The following RAB33B variants were observed in gnomAD, a reference collection of about 807,000 sequenced individuals.
RAB33B encodes the protein RAB33B, member RAS oncogene family, also known as ras-related protein Rab-33B.
In RAB33B, 6 loss-of-function variants were observed where a neutral mutation model predicts 15.0. That is an observed-to-expected ratio of 0.40 (90% CI 0.22 to 0.79). The LOEUF is 0.79. Among genes scored for constraint, RAB33B ranks in the 30% least tolerant of loss-of-function variants. RAB33B has a pLI of 0.37. For synonymous variants in RAB33B, 117 were observed against 108.3 expected (o/e 1.08, Z -0.50); for missense variants, 257 against 296.4 (o/e 0.87, Z 0.98).
At chr4:139,443,779 A>G in the RAB33B span, among the ~76,000 whole-genome samples, 1 of 152,164 alleles carries the variant, frequency 6.6e-6, no homozygotes, top group African/African-American at 2.4e-5. Flanking sequence ...CCGGGTAGCA[A>G]GTAGCGGCAA....
intron 1 of RAB33B, among the ~76,000 whole-genome samples, chr4:139,458,812 T>C (rs1330798313): frequency 6.6e-6 from 1 of 152,222 alleles, no homozygotes; most frequent in Non-Finnish European, 1.5e-5. Flanking sequence ...AATTCTGTTT[T>C]TAGCTCTTTG....
At chr4:139,447,387 G>A in the RAB33B span, among the ~76,000 whole-genome samples, 3 of 152,194 alleles carry the variant, frequency 2.0e-5, no homozygotes, top group African/African-American at 7.2e-5. Flanking sequence ...GGGTGGAAGT[G>A]GCACCACTCA....
chr4:139,454,100 G>T (rs1750010532), upstream of RAB33B: 1 of 1,429,510 alleles, frequency 7.0e-7, no homozygotes, highest in South Asian at 1.4e-5. Flanking sequence ...TTGCGCAGCC[G>T]AACTGGCCGG....
chr4:139,461,754 T>G (rs1750175051), intron 1 of RAB33B, among the ~76,000 whole-genome samples: 1 of 152,094 alleles, frequency 6.6e-6, no homozygotes, highest in Admixed American at 6.6e-5. Context: ...ACCATTATTA[T>G]TCTGTAATTA....
chr4:139,470,669 A>T (rs1473872107), intron 1 of RAB33B, among the ~76,000 whole-genome samples: 1 of 152,206 alleles, frequency 6.6e-6, no homozygotes, highest in Admixed American at 6.5e-5. Flanking sequence ...CAAGTCTCAG[A>T]GGTTCACCCA....
intron 1 of RAB33B, among the ~76,000 whole-genome samples, chr4:139,472,174 A>AT (rs1251288493): frequency 6.6e-6 from 1 of 151,868 alleles, no homozygotes; most frequent in Non-Finnish European, 1.5e-5. Context: ...TTTATTCATG[A>AT]TTTTTTTCTA....
chr4:139,453,522 C>T (rs1749980781), upstream of RAB33B: 1 of 152,468 alleles, frequency 6.6e-6, no homozygotes, highest in Admixed American at 6.5e-5. Context: ...TAGCCCTGGC[C>T]GCTGTCCCAA....
the RAB33B span, among the ~76,000 whole-genome samples, chr4:139,447,856 C>G: frequency 6.6e-6 from 1 of 151,772 alleles, no homozygotes; most frequent in East Asian, 1.9e-4. Flanking sequence ...TTAGTAGAGA[C>G]GGGGTTTCAC....
chr4:139,443,908 CGTT>C, the RAB33B span, among the ~76,000 whole-genome samples: 1 of 152,160 alleles, frequency 6.6e-6, no homozygotes, highest in Non-Finnish European at 1.5e-5. Context: ...GGCAAGATAA[CGTT>C]GATTCTCCTC....
chr4:139,463,668 A>T (rs557936085), intron 1 of RAB33B, among the ~76,000 whole-genome samples: 84 of 152,278 alleles, frequency 5.5e-4, no homozygotes, highest in Admixed American at 1.0e-3. Flanking sequence ...GCTAAGCCTC[A>T]AGAGTTTTCT....
the RAB33B span, among the ~76,000 whole-genome samples, chr4:139,444,076 A>G: frequency 2.0e-5 from 3 of 152,154 alleles, no homozygotes; most frequent in African/African-American, 4.8e-5. Context: ...ATAAGCAGAA[A>G]TCTGGAGAAC....
rs565100991 is a variant in RAB33B at position 139,458,124 on chromosome 4, C to A, written c.249+3680C>A. Among the ~76,000 whole-genome samples, 6 of 152,254 alleles carry A rather than the reference C, an allele frequency of 3.9e-5. No homozygotes were observed. The East Asian group carries it at 1.2e-3, about 29-fold the overall frequency. ...ACTCAAGTGCCCTTTATATTATATTCTCCATTATGTTATAAAGTTCCAGCT... is the reference window on the plus strand; with the variant it reads ...ACTCAAGTGCCCTTTATATTATATTATCCATTATGTTATAAAGTTCCAGCT... On this transcript the variant is annotated intron_variant, in intron 1 of 1. Coordinates refer to ENST00000305626, the MANE Select transcript of RAB33B (RefSeq NM_031296.3).
At chr4:139,443,069 C>T in the RAB33B span, among the ~76,000 whole-genome samples, 5 of 151,720 alleles carry the variant, frequency 3.3e-5, no homozygotes, top group East Asian at 1.9e-4. Flanking sequence ...CTTGGCTCAC[C>T]GCAAGCTCTG....
intron 1 of RAB33B, among the ~76,000 whole-genome samples, chr4:139,465,506 C>G (rs975571071): frequency 2.0e-5 from 3 of 152,054 alleles, no homozygotes; most frequent in African/African-American, 4.8e-5. Flanking sequence ...TTTCTTCTAG[C>G]GTTTTTATGG....
At chr4:139,466,861 T>C (rs1450074743) in intron 1 of RAB33B, among the ~76,000 whole-genome samples, 1 of 151,934 alleles carries the variant, frequency 6.6e-6, no homozygotes, top group Non-Finnish European at 1.5e-5. Context: ...ATTACAGGCG[T>C]GAGCCACCAT....
At chr4:139,471,088 G>A (rs1302780287) in intron 1 of RAB33B, among the ~76,000 whole-genome samples, 2 of 152,080 alleles carry the variant, frequency 1.3e-5, no homozygotes, top group African/African-American at 4.8e-5. Context: ...CCAGCGCACT[G>A]TCTCTGGGCC....
intron 1 of RAB33B, among the ~76,000 whole-genome samples, chr4:139,455,993 G>T (rs1334269186): frequency 6.6e-6 from 1 of 152,118 alleles, no homozygotes; most frequent in Non-Finnish European, 1.5e-5. Flanking sequence ...CAAAATAGTT[G>T]GTCACCCTGG....
chr4:139,475,172 A>G lies in RAB33B; in HGVS notation c.*2046A>G, dbSNP rs960209297. On this transcript the variant is annotated 3_prime_UTR_variant, in exon 2 of 2. Transcript: ENST00000305626. ...GTATCGAAATTAACCTTGATTTATAACTATTTTTGTAATAAAACAATGACA... is the reference window on the plus strand; with the variant it reads ...GTATCGAAATTAACCTTGATTTATAGCTATTTTTGTAATAAAACAATGACA... 6.6e-5 allele frequency: 10 copies of G among 152,108 alleles called. No homozygotes were observed. The highest frequency in any genetic ancestry group is 6.5e-4 in the Admixed American group (10 of 15,278). 9.4% of individuals were successfully genotyped at this position (152,108 alleles called of 1,614,324 possible).
At chr4:139,446,596 A>G in the RAB33B span, among the ~76,000 whole-genome samples, 1 of 152,224 alleles carries the variant, frequency 6.6e-6, no homozygotes, top group African/African-American at 2.4e-5. Context: ...AAAACTGTGA[A>G]GATATTTGTA....
Sources: allele counts gnomAD v4.1 joint callset (sites outside exome capture counted in the v4.1 genomes callset), GRCh38; gene constraint gnomAD v4.1.1; transcripts MANE v1.5; gene names NCBI Gene and HGNC (gene_info 2026-07-23, HGNC 2026-07-21).